Variants in C14orf39 observed in about 807,000 individuals in gnomAD.
The protein encoded by C14orf39 is protein SIX6OS1.
In C14orf39, 66 loss-of-function variants were observed where a neutral mutation model predicts 85.6. That is an observed-to-expected ratio of 0.77 (90% confidence interval 0.63 to 0.95). The LOEUF is 0.95. Ranked by LOEUF, C14orf39 falls within the 40% of genes least tolerant of loss-of-function variation. C14orf39 has a pLI of 0.00. For missense variants in C14orf39, 735 were observed against 663.9 expected (o/e 1.11, Z -1.18); for synonymous variants, 242 against 214.0 (o/e 1.13, Z -1.14).
At chr14:60,482,963 T>C (rs901259571) in intron 4 of C14orf39, among the ~76,000 whole-genome samples, 1 of 151,660 alleles carries the variant, frequency 6.6e-6, no homozygotes, top group Non-Finnish European at 1.5e-5. Flanking sequence ...TGTGAGTCAT[T>C]ACCTATGCAG....
At chr14:60,495,416 G>A (rs1893056073) in intron 2 of C14orf39, 1 of 173,578 alleles carries the variant, frequency 5.8e-6, no homozygotes. Context: ...TCAAGCAACA[G>A]GTCACTGATG....
intron 17 of C14orf39, among the ~76,000 whole-genome samples, chr14:60,438,471 A>G (rs1890359248): frequency 6.6e-6 from 1 of 152,190 alleles, no homozygotes; most frequent in South Asian, 2.1e-4. Context: ...TTTCACAAGA[A>G]GTTCATATGA....
chr14:60,447,462 A>G (rs1890825245), intron 16 of C14orf39, among the ~76,000 whole-genome samples: 1 of 152,218 alleles, frequency 6.6e-6, no homozygotes, highest in Non-Finnish European at 1.5e-5. Context: ...AAAGAGAATA[A>G]AATACCAGAA....
chr14:60,448,971 G>A (rs1361742545), intron 16 of C14orf39, among the ~76,000 whole-genome samples: 4 of 152,082 alleles, frequency 2.6e-5, no homozygotes, highest in South Asian at 2.1e-4. Flanking sequence ...TCACTCATAG[G>A]TGGAAACTGA....
chr14:60,498,617 T>C (rs940047041), intron 2 of C14orf39, among the ~76,000 whole-genome samples: 3 of 152,236 alleles, frequency 2.0e-5, no homozygotes, highest in African/African-American at 7.2e-5. Context: ...TACAATGATG[T>C]CTTTGTAATC....
chr14:60,481,892 T>C (rs899992461), intron 4 of C14orf39, among the ~76,000 whole-genome samples: 5 of 152,186 alleles, frequency 3.3e-5, no homozygotes, highest in African/African-American at 1.2e-4. Context: ...TCCTTTTGTC[T>C]TTTATATCAT....
intron 4 of C14orf39, among the ~76,000 whole-genome samples, chr14:60,482,153 C>T (rs1367131733): frequency 6.6e-6 from 1 of 152,182 alleles, no homozygotes; most frequent in Non-Finnish European, 1.5e-5. Flanking sequence ...TGACTCTCCT[C>T]AGACCTAGCA....
At chr14:60,481,601 C>T (rs1000988930) in intron 4 of C14orf39, among the ~76,000 whole-genome samples, 5 of 152,054 alleles carry the variant, frequency 3.3e-5, no homozygotes, top group Non-Finnish European at 7.4e-5. Context: ...AGTTGATATT[C>T]TTATTTCTTG....
chr14:60,499,715 A>G lies in C14orf39; in HGVS notation c.-143-285T>C, dbSNP rs138036347. 5.2e-3 allele frequency among the ~76,000 whole-genome samples: 786 copies of G among 152,372 alleles called. 3 individuals are homozygous for G. Among genetic ancestry groups the G allele is most frequent in the African/African-American group, 0.017 (708 of 41,584 alleles). On this transcript the variant is annotated intron_variant, in intron 1 of 5. Coordinates refer to the C14orf39 transcript ENST00000556799. ...AACTATAGGTGATTGCCTGTAGGGCAATCAACTTGATAAAGTTAAAAGGCA... is the reference window on the plus strand; with the variant it reads ...AACTATAGGTGATTGCCTGTAGGGCGATCAACTTGATAAAGTTAAAAGGCA...
At chr14:60,464,920 T>G (rs914873333) in intron 11 of C14orf39, among the ~76,000 whole-genome samples, 1 of 152,134 alleles carries the variant, frequency 6.6e-6, no homozygotes, top group Non-Finnish European at 1.5e-5. Context: ...TTTACCCCCA[T>G]TACTGTCTTT....
At chr14:60,497,970 C>T (rs1268202642) in intron 2 of C14orf39, among the ~76,000 whole-genome samples, 3 of 152,124 alleles carry the variant, frequency 2.0e-5, no homozygotes, top group Non-Finnish European at 4.4e-5. Flanking sequence ...AGTTGGGTTT[C>T]TATTGCCTGC....
chr14:60,487,438 T>C (rs906086664), upstream of C14orf39, among the ~76,000 whole-genome samples: 1 of 152,018 alleles, frequency 6.6e-6, no homozygotes, highest in Non-Finnish European at 1.5e-5. Flanking sequence ...TCATCCATCA[T>C]CCATGTGGTC....
intron 16 of C14orf39, among the ~76,000 whole-genome samples, chr14:60,443,732 T>C (rs1347518231): frequency 1.3e-5 from 2 of 152,224 alleles, no homozygotes; most frequent in Non-Finnish European, 2.9e-5. Context: ...AGTGGGTCCC[T>C]GACTCCCATG....
At chr14:60,440,239 CTACTT>C (rs1890446068) in intron 17 of C14orf39, among the ~76,000 whole-genome samples, 1 of 152,116 alleles carries the variant, frequency 6.6e-6, no homozygotes, top group Non-Finnish European at 1.5e-5. Flanking sequence ...GTACAATTTC[CTACTT>C]TACTTTCACT....
intron 16 of C14orf39, among the ~76,000 whole-genome samples, chr14:60,451,381 C>T (rs908741672): frequency 6.6e-6 from 1 of 152,148 alleles, no homozygotes; most frequent in African/African-American, 2.4e-5. Context: ...TATAAAGACA[C>T]ATGCACACGT....
chr14:60,481,881 A>T (rs1892654831), intron 4 of C14orf39, among the ~76,000 whole-genome samples: 1 of 151,978 alleles, frequency 6.6e-6, no homozygotes, highest in South Asian at 2.1e-4. Flanking sequence ...TTCCTAGCTT[A>T]TCCTTTTGTC....
chr14:60,450,714 C>A (rs1024907737), intron 16 of C14orf39, among the ~76,000 whole-genome samples: 24 of 152,118 alleles, frequency 1.6e-4, no homozygotes, highest in African/African-American at 5.8e-4. Flanking sequence ...AGCCAAGACC[C>A]AATGCTATGC....
In C14orf39 at chr14:60,484,786, C is replaced by G. The variant is rs776617262; in HGVS notation, c.106+95G>C. On this transcript the variant is annotated intron_variant, in intron 3 of 17. Transcript: ENST00000321731. This position sits in a 1 kb window ranked among gnomAD's most constrained non-coding sequence, Gnocchi z 4.2. ...GAGAGAACTGACACAAAAGTTATAA[C>G]GCCAACAATAAGTTGCCCTAAACAG... 23 of 848,280 alleles carry G rather than the reference C, an allele frequency of 2.7e-5. No individual in the cohort carries two copies. Among genetic ancestry groups the G allele is most frequent in the Non-Finnish European group, 3.7e-5 (20 of 536,892 alleles). The allele number at this position is 848,280 out of a possible 1,614,324, so 52.5% of individuals were successfully genotyped here.
intron 11 of C14orf39, among the ~76,000 whole-genome samples, chr14:60,462,293 G>A (rs1403460740): frequency 6.6e-6 from 1 of 152,036 alleles, no homozygotes; most frequent in Non-Finnish European, 1.5e-5. Context: ...TGGGGTTGAG[G>A]TGGGATGATC....
Sources: allele counts gnomAD v4.1 joint callset (sites outside exome capture counted in the v4.1 genomes callset), GRCh38; gene constraint gnomAD v4.1.1; non-coding constraint Gnocchi (gnomAD v3.1); transcripts MANE v1.5; gene names NCBI Gene and HGNC (gene_info 2026-07-23, HGNC 2026-07-21).